The following RANBP2 variants were observed in gnomAD, a reference collection of about 807,000 sequenced individuals.
RANBP2 encodes E3 SUMO-protein ligase RanBP2.
RANBP2 carries 57 observed loss-of-function variants against 303.6 expected under a neutral mutation model. The observed-to-expected ratio is 0.19, with a 90% CI of 0.15 to 0.23. RANBP2 has a LOEUF of 0.23. Ranked by LOEUF, RANBP2 falls within the 10% of genes least tolerant of loss-of-function variation. RANBP2 has a pLI of 1.00. For synonymous variants in RANBP2, 1,167 were observed against 1,301.5 expected (o/e 0.90, Z 2.23); for missense variants, 3,138 against 3,780.8 (o/e 0.83, Z 4.46).
the RANBP2 span, chr2:109,128,978 C>T: frequency 2.4e-6 from 1 of 424,140 alleles, no homozygotes; most frequent in African/African-American, 2.1e-5. Flanking sequence ...GCGCGCACCC[C>T]CGCGCACGTG....
At chr2:109,157,005 A>G in the RANBP2 span, among the ~76,000 whole-genome samples, 4 of 152,226 alleles carry the variant, frequency 2.6e-5, no homozygotes, top group African/African-American at 9.6e-5. Context: ...CATAAATGAC[A>G]TATTACTCCA....
At chr2:109,640,695 C>A in the RANBP2 span, among the ~76,000 whole-genome samples, 3 of 152,046 alleles carry the variant, frequency 2.0e-5, no homozygotes, top group Non-Finnish European at 4.4e-5. Flanking sequence ...GGAGTCCCGG[C>A]CACACTCAAG....
chr2:109,360,407 C>T, the RANBP2 span, among the ~76,000 whole-genome samples: 1 of 152,140 alleles, frequency 6.6e-6, no homozygotes, highest in South Asian at 2.1e-4. Flanking sequence ...GCTCGATGTA[C>T]ACAAACTTTG....
chr2:108,734,630 ATGT>A lies in RANBP2; in HGVS notation c.406-900_406-898del, dbSNP rs1695424723. On this transcript the variant is annotated intron_variant, in intron 4 of 28. Transcript: ENST00000283195. ...GTTTACAGGTGTTTAAAACTTGATG[ATGT>A]TATTGTCTTGAAGGGAACTTGTCAT... Among the ~76,000 whole-genome samples, 12 of 152,156 alleles carry A rather than the reference ATGT, an allele frequency of 7.9e-5. No homozygotes were observed. In the South Asian group the frequency reaches 2.5e-3, roughly 32 times the overall value.
the RANBP2 span, among the ~76,000 whole-genome samples, chr2:109,261,223 G>A: frequency 2.6e-5 from 4 of 152,160 alleles, no homozygotes; most frequent in African/African-American, 9.6e-5. Flanking sequence ...GGTGTAAAGC[G>A]AGGGCCCTGG....
chr2:109,585,834 C>T, the RANBP2 span: 54 of 1,609,332 alleles, frequency 3.4e-5, no homozygotes, highest in Non-Finnish European at 4.6e-5. Context: ...AATGTTTTCT[C>T]TTTTCTGAAG....
chr2:109,082,657 T>C, the RANBP2 span, among the ~76,000 whole-genome samples: 1 of 152,156 alleles, frequency 6.6e-6, no homozygotes, highest in South Asian at 2.1e-4. Context: ...AAACATAAAA[T>C]TTACCATTTT....
chr2:108,912,731 A>G, the RANBP2 span: 1 of 1,601,890 alleles, frequency 6.2e-7, no homozygotes, highest in Non-Finnish European at 8.5e-7. Context: ...GGTGCCAGGG[A>G]AGTTGGCAGA....
the RANBP2 span, among the ~76,000 whole-genome samples, chr2:109,652,367 C>A: frequency 6.6e-6 from 1 of 151,774 alleles, no homozygotes; most frequent in South Asian, 2.1e-4. Context: ...GGACTACAGG[C>A]ACCCGCCACC....
At chr2:109,732,865 C>T in the RANBP2 span, 446 of 1,282,148 alleles carry the variant, frequency 3.5e-4, 5 homozygotes, top group South Asian at 3.9e-3. Flanking sequence ...TTGAAGATCC[C>T]CGAGATGCAG....
At chr2:109,279,927 C>T in the RANBP2 span, among the ~76,000 whole-genome samples, 1 of 149,854 alleles carries the variant, frequency 6.7e-6, no homozygotes, top group African/African-American at 2.5e-5. Context: ...AATTGGGGGG[C>T]GGTAAGAGGT....
the RANBP2 span, among the ~76,000 whole-genome samples, chr2:108,944,484 CCAA>C: frequency 1.6e-4 from 25 of 152,314 alleles, no homozygotes; most frequent in Non-Finnish European, 1.0e-4. Flanking sequence ...GGCCATGGAG[CCAA>C]TGCTGTTGCC....
chr2:109,408,567 G>A, the RANBP2 span, among the ~76,000 whole-genome samples: 1 of 152,228 alleles, frequency 6.6e-6, no homozygotes, highest in Admixed American at 6.5e-5. Flanking sequence ...CCTCCCATTC[G>A]CTGTCCCCTC....
the RANBP2 span, among the ~76,000 whole-genome samples, chr2:109,643,288 G>A: frequency 2.0e-5 from 3 of 152,194 alleles, no homozygotes; most frequent in South Asian, 6.2e-4. Flanking sequence ...AGTTCAAATT[G>A]TCAGAGGCGT....
intron 25 of RANBP2, among the ~76,000 whole-genome samples, chr2:108,779,877 T>C (rs1360909580): frequency 1.3e-5 from 2 of 152,174 alleles, no homozygotes; most frequent in Non-Finnish European, 2.9e-5. Context: ...GAAATCTACA[T>C]TCCAGCATTA....
chr2:109,017,526 C>T, the RANBP2 span, among the ~76,000 whole-genome samples: 1 of 152,230 alleles, frequency 6.6e-6, no homozygotes, highest in African/African-American at 2.4e-5. Context: ...CTCAGCAGCT[C>T]CTGGGCAGAC....
At chr2:109,060,465 G>C in the RANBP2 span, among the ~76,000 whole-genome samples, 5 of 152,120 alleles carry the variant, frequency 3.3e-5, no homozygotes, top group African/African-American at 1.2e-4. Flanking sequence ...ACTGGGGAGG[G>C]GAGAGAATCA....
chr2:109,565,848 C>G, the RANBP2 span: 2 of 1,613,894 alleles, frequency 1.2e-6, no homozygotes, highest in African/African-American at 2.7e-5. Flanking sequence ...CAACAGCAAA[C>G]GGCAACTGTC....
At chr2:108,944,376 A>G in the RANBP2 span, among the ~76,000 whole-genome samples, 1 of 152,180 alleles carries the variant, frequency 6.6e-6, no homozygotes, top group African/African-American at 2.4e-5. Flanking sequence ...GGCCTCCCAA[A>G]GTGCTGGGAT....
Sources: allele counts gnomAD v4.1 joint callset (sites outside exome capture counted in the v4.1 genomes callset), GRCh38; gene constraint gnomAD v4.1.1; transcripts MANE v1.5; gene names NCBI Gene and HGNC (gene_info 2026-07-23, HGNC 2026-07-21).